Variants in GPCPD1 observed in about 807,000 individuals in gnomAD.
GPCPD1 encodes glycerophosphocholine phosphodiesterase 1, also known as glycerophosphocholine phosphodiesterase GPCPD1.
A neutral mutation model predicts 89.2 loss-of-function variants in GPCPD1; 29 were observed. That is an observed-to-expected ratio of 0.33 (90% CI 0.24 to 0.44). GPCPD1 has a LOEUF of 0.44. Among genes scored for constraint, GPCPD1 ranks in the 20% least tolerant of loss-of-function variants. The pLI, the probability that GPCPD1 is intolerant of heterozygous loss-of-function variation, is 1.00. For synonymous variants in GPCPD1, 258 were observed against 266.3 expected (o/e 0.97, Z 0.30); for missense variants, 594 against 808.9 (o/e 0.73, Z 3.22).
intron 6 of GPCPD1, among the ~76,000 whole-genome samples, chr20:5,580,957 T>C (rs1294849439): frequency 6.6e-6 from 1 of 151,358 alleles, no homozygotes. Flanking sequence ...CACTGCAGAC[T>C]CCACTTCCCA....
chr20:5,599,780 T>C (rs368334178), intron 2 of GPCPD1, among the ~76,000 whole-genome samples: 1 of 152,148 alleles, frequency 6.6e-6, no homozygotes, highest in Non-Finnish European at 1.5e-5. Context: ...CTTGAACTCC[T>C]GACCTCAGGT....
chr20:5,558,526 C>G (rs939362351), intron 18 of GPCPD1, among the ~76,000 whole-genome samples, 158 bp downstream of exon 18: 4 of 152,128 alleles, frequency 2.6e-5, no homozygotes, highest in Admixed American at 2.0e-4. Context: ...TGTTTTTCAT[C>G]CTGAGATCTA....
intron 15 of GPCPD1, among the ~76,000 whole-genome samples, chr20:5,564,329 A>T (rs1283501768): frequency 1.4e-5 from 2 of 142,898 alleles, no homozygotes; most frequent in African/African-American, 2.7e-5. Context: ...AAATATTGTT[A>T]AAAAAAAAAA....
At chr20:5,547,888 A>G (rs3747911) in intron 19 of GPCPD1, 38 bp from the exon 20 acceptor site, 261,881 of 1,159,788 alleles carry the variant, frequency 0.23, 31,653 homozygotes, top group East Asian at 0.39. Context: ...AAAATACTGT[A>G]ATTTTATGGT....
intron 8 of GPCPD1, among the ~76,000 whole-genome samples, chr20:5,576,895 T>C (rs1414047448): frequency 6.6e-6 from 1 of 151,992 alleles, no homozygotes; most frequent in East Asian, 1.9e-4. Flanking sequence ...GGTAGGTTTA[T>C]TAAAAGGAAG....
At chr20:5,568,191 G>A (rs1600734617) in intron 12 of GPCPD1, among the ~76,000 whole-genome samples, 2 of 146,530 alleles carry the variant, frequency 1.4e-5, no homozygotes, top group East Asian at 4.0e-4. Flanking sequence ...AATGAATTAA[G>A]GTATCACCAA....
At chr20:5,576,025 T>C in intron 8 of GPCPD1, 47 bp from the exon 9 acceptor site, 1 of 980,596 alleles carries the variant, frequency 1.0e-6, no homozygotes, top group Non-Finnish European at 1.6e-6. Context: ...AACTTCTACA[T>C]TACATACATA....
At chr20:5,575,201 T>A (rs1406913688) in intron 10 of GPCPD1, among the ~76,000 whole-genome samples, 2 of 152,242 alleles carry the variant, frequency 1.3e-5, no homozygotes, top group Non-Finnish European at 2.9e-5. Context: ...CCTGCCTTTC[T>A]ACTTTTAATG....
At chr20:5,588,781 C>T (rs553084704) in intron 4 of GPCPD1, among the ~76,000 whole-genome samples, 1 of 151,478 alleles carries the variant, frequency 6.6e-6, no homozygotes, top group Non-Finnish European at 1.5e-5. Context: ...GCTGAGATTG[C>T]GCCACTGCAC....
Position 5,566,785 on chromosome 20 carries a change from C to T in GPCPD1, c.1228-13G>A, listed in dbSNP as rs1418987293. 1.3e-6 allele frequency: 2 copies of T among 1,561,848 alleles called. No homozygotes were observed. The highest frequency in any genetic ancestry group is 4.5e-5 in the East Asian group (2 of 44,538). ...TCACATGAGTGAGCTAGAAAGCACA[C>T]AAACAAAATGAAATCAGAAAGGAAG... On this transcript the variant is annotated splice_polypyrimidine_tract_variant and intron_variant, in intron 13 of 19. Coordinates refer to ENST00000379019, the MANE Select transcript of GPCPD1 (RefSeq NM_019593.5).
intron 6 of GPCPD1, among the ~76,000 whole-genome samples, chr20:5,583,766 G>A (rs1978721926): frequency 6.6e-6 from 1 of 152,116 alleles, no homozygotes; most frequent in Non-Finnish European, 1.5e-5. Flanking sequence ...TAGCCTAAGT[G>A]TAACATTTCA....
chr20:5,593,473 C>G lies in GPCPD1; in HGVS notation c.147-62G>C, dbSNP rs1979480046. ...ATCAAACTACAGTGCATAAAGACTT[C>G]TTAATTCACAAAACTCCTCAAATAA... On this transcript the variant is annotated intron_variant, in intron 3 of 19. Transcript: ENST00000379019. 3 of 852,176 alleles carry G rather than the reference C, an allele frequency of 3.5e-6. No individual in the cohort carries two copies. In the South Asian group the frequency reaches 4.2e-5, roughly 12 times the overall value. 52.8% of individuals were successfully genotyped at this position (852,176 alleles called of 1,614,324 possible).
At chr20:5,581,435 C>T (rs1482426555) in intron 6 of GPCPD1, among the ~76,000 whole-genome samples, 2 of 152,124 alleles carry the variant, frequency 1.3e-5, no homozygotes, top group African/African-American at 4.8e-5. Flanking sequence ...TCTAACCTAG[C>T]AATTGTTCTA....
chr20:5,591,673 AC>A (rs1979335475), intron 4 of GPCPD1, among the ~76,000 whole-genome samples: 1 of 152,212 alleles, frequency 6.6e-6, no homozygotes, highest in Non-Finnish European at 1.5e-5. Flanking sequence ...ACAATGTACA[AC>A]TAGACAAAGT....
intron 1 of GPCPD1, among the ~76,000 whole-genome samples, chr20:5,608,427 A>G (rs238294): frequency 6.6e-6 from 1 of 152,132 alleles, no homozygotes; most frequent in Non-Finnish European, 1.5e-5. Flanking sequence ...TACCATACCA[A>G]ATAAAAGCCT....
intron 14 of GPCPD1, 80 bp downstream of exon 14, chr20:5,566,653 A>C (rs1484195382): frequency 1.1e-5 from 9 of 819,178 alleles, no homozygotes; most frequent in Non-Finnish European, 1.9e-5. Context: ...CCAAGTATCA[A>C]GTATGTGCTA....
intron 12 of GPCPD1, among the ~76,000 whole-genome samples, chr20:5,569,051 C>A (rs1986557926): frequency 6.6e-6 from 1 of 152,130 alleles, no homozygotes; most frequent in Non-Finnish European, 1.5e-5. Flanking sequence ...TGTTTGGTCA[C>A]TCTACTCATG....
chr20:5,608,594 A>T (rs2122837526), intron 1 of GPCPD1, among the ~76,000 whole-genome samples: 1 of 146,796 alleles, frequency 6.8e-6, no homozygotes, highest in African/African-American at 2.6e-5. Flanking sequence ...GTATGCACCC[A>T]CCCATACACC....
At chr20:5,577,419 T>C (rs758206121) in intron 8 of GPCPD1, among the ~76,000 whole-genome samples, 18 of 150,086 alleles carry the variant, frequency 1.2e-4, no homozygotes, top group Admixed American at 6.0e-4. Context: ...ACCCAGGAGA[T>C]TGAGGCTGCA....
Sources: gnomAD v4.1 joint callset for allele counts (sites outside exome capture counted in the v4.1 genomes callset) on GRCh38, gnomAD v4.1.1 for gene constraint, MANE v1.5 for transcripts, NCBI Gene and HGNC (gene_info 2026-07-23, HGNC 2026-07-21) for gene names.